Variants in RPA3 observed in about 807,000 individuals in gnomAD.
The protein encoded by RPA3 is replication protein A 14 kDa subunit.
In RPA3, 24 loss-of-function variants were observed where a neutral mutation model predicts 13.7. That is an observed-to-expected ratio of 1.75 (90% CI 1.27 to 2.46). The LOEUF (loss-of-function observed/expected upper bound fraction) is 2.46, where lower values mean the gene tolerates loss of function less well. Ranked by LOEUF, RPA3 falls within the 30% of genes most tolerant of loss-of-function variation. RPA3 has a pLI of 0.00. For synonymous variants in RPA3, 59 were observed against 51.2 expected (o/e 1.15, Z -0.65); for missense variants, 183 against 151.0 (o/e 1.21, Z -1.11).
intron 2 of RPA3, among the ~76,000 whole-genome samples, chr7:7,709,723 A>G (rs1055771670): frequency 1.3e-5 from 2 of 152,226 alleles, no homozygotes; most frequent in African/African-American, 4.8e-5. Flanking sequence ...ACATCTTACC[A>G]GCTATTATTC....
At chr7:7,656,299 C>A (rs1785340487) in intron 4 of RPA3, among the ~76,000 whole-genome samples, 1 of 151,980 alleles carries the variant, frequency 6.6e-6, no homozygotes, top group East Asian at 1.9e-4. Flanking sequence ...AGAACTTGTT[C>A]ATGTATTTAA....
intron 4 of RPA3, among the ~76,000 whole-genome samples, chr7:7,661,068 T>C (rs1038332610): frequency 2.6e-5 from 4 of 152,166 alleles, no homozygotes; most frequent in Non-Finnish European, 5.9e-5. Context: ...TAAGTTGATC[T>C]TTAATCTCTG....
chr7:7,683,208 A>C (rs1384413834), intron 4 of RPA3, among the ~76,000 whole-genome samples: 2 of 152,200 alleles, frequency 1.3e-5, no homozygotes, highest in Non-Finnish European at 2.9e-5. Flanking sequence ...AACGTAAATT[A>C]GGGATCTATC....
At chr7:7,717,875 A>G (rs1039648848) in intron 1 of RPA3, among the ~76,000 whole-genome samples, 1 of 152,218 alleles carries the variant, frequency 6.6e-6, no homozygotes, top group Admixed American at 6.5e-5. Context: ...AAATTGACAC[A>G]TTATGTCATG....
intron 2 of RPA3, 105 bp downstream of exon 2, chr7:7,715,065 TAAAAA>T (rs552433074): frequency 6.6e-6 from 1 of 151,784 alleles, no homozygotes; most frequent in Admixed American, 6.6e-5. Context: ...TCTTAGAACT[TAAAAA>T]AAATACTTTT....
At chr7:7,669,035 A>C (rs1779539107) in intron 4 of RPA3, among the ~76,000 whole-genome samples, 1 of 152,112 alleles carries the variant, frequency 6.6e-6, no homozygotes, top group Non-Finnish European at 1.5e-5. Flanking sequence ...CGTAGGGAGA[A>C]TGGGCCAACT....
chr7:7,672,253 C>T (rs1242176820), intron 4 of RPA3, among the ~76,000 whole-genome samples: 1 of 152,122 alleles, frequency 6.6e-6, no homozygotes, highest in Non-Finnish European at 1.5e-5. Flanking sequence ...CCTATGTGTC[C>T]TTGCAAGTAC....
intron 4 of RPA3, among the ~76,000 whole-genome samples, chr7:7,656,540 C>T (rs1418714194): frequency 6.6e-6 from 1 of 152,126 alleles, no homozygotes; most frequent in South Asian, 2.1e-4. Context: ...TTGCTCAACT[C>T]CCACTTATAA....
intron 4 of RPA3, among the ~76,000 whole-genome samples, chr7:7,662,235 G>T (rs965282560): frequency 6.6e-6 from 1 of 152,176 alleles, no homozygotes; most frequent in Non-Finnish European, 1.5e-5. Flanking sequence ...GTGGATCTTA[G>T]CTTGCTGAGC....
Position 7,713,386 on chromosome 7 carries a change from T to C in RPA3, c.-1028+1789A>G, listed in dbSNP as rs1026100912. 4.6e-5 allele frequency among the ~76,000 whole-genome samples: 7 copies of C among 151,198 alleles called. 1 individual carries two copies. The South Asian group carries it at 1.0e-3, about 23-fold the overall frequency. On this transcript the variant is annotated intron_variant, in intron 2 of 7. Coordinates refer to ENST00000223129, the MANE Select transcript of RPA3 (RefSeq NM_002947.5). ...AAACAAACAAACAAACAAATCTAAG[T>C]TTATAGACAGAGTTTTTTTTTTTTT...
intron 1 of RPA3, among the ~76,000 whole-genome samples, chr7:7,717,473 C>T (rs1780946528): frequency 6.6e-6 from 1 of 152,196 alleles, no homozygotes; most frequent in African/African-American, 2.4e-5. Context: ...GACAACTCTG[C>T]TACTTCAGAA....
intron 4 of RPA3, among the ~76,000 whole-genome samples, chr7:7,642,022 C>T (rs1784985208): frequency 6.6e-6 from 1 of 152,152 alleles, no homozygotes; most frequent in African/African-American, 2.4e-5. Context: ...TGTATTGGTG[C>T]AAGTCAGTAA....
intron 2 of RPA3, among the ~76,000 whole-genome samples, chr7:7,714,313 G>C (rs961264937): frequency 1.3e-5 from 2 of 152,224 alleles, no homozygotes; most frequent in African/African-American, 4.8e-5. Context: ...CTGATGAGCA[G>C]ACTTTCTTTG....
At chr7:7,675,953 AT>A (rs1779728923) in intron 4 of RPA3, 2 of 389,614 alleles carry the variant, frequency 5.1e-6, no homozygotes, top group Non-Finnish European at 4.5e-6. Flanking sequence ...CCCCTTCACC[AT>A]TTTCATAAAA....
At chr7:7,717,060 CTT>C (rs766644906) in intron 1 of RPA3, among the ~76,000 whole-genome samples, 10 of 141,580 alleles carry the variant, frequency 7.1e-5, no homozygotes, top group Admixed American at 7.0e-5. Context: ...TTCTTTTTTT[CTT>C]TTTTTTTTTT....
At chr7:7,661,654 TTGTTGCC>T (rs1785477150) in intron 4 of RPA3, among the ~76,000 whole-genome samples, 1 of 152,166 alleles carries the variant, frequency 6.6e-6, no homozygotes, top group African/African-American at 2.4e-5. Flanking sequence ...ACAGCAAAGA[TTGTTGCC>T]CGTTCCTTCC....
Position 7,653,246 on chromosome 7 carries a change from T to C in RPA3, c.-757-12071A>G, listed in dbSNP as rs565807220. ...TCAAATCAAAATGGTTTGTGGCAGT[T>C]ATGCAGTTATATTTGTAACTTTCCT... On this transcript the variant is annotated intron_variant, in intron 4 of 7. Coordinates refer to ENST00000223129, the MANE Select transcript of RPA3 (RefSeq NM_002947.5). Among the ~76,000 whole-genome samples the C allele has an allele frequency of 5.3e-5, 8 of 152,356 alleles. 1 individual carries two copies. The highest frequency in any genetic ancestry group is 1.9e-4 in the African/African-American group (8 of 41,578).
At chr7:7,691,813 A>G (rs1269083810) in intron 2 of RPA3, among the ~76,000 whole-genome samples, 1 of 152,200 alleles carries the variant, frequency 6.6e-6, no homozygotes, top group Non-Finnish European at 1.5e-5. Flanking sequence ...CTTTCTCAGG[A>G]GGGAAAAAGG....
intron 4 of RPA3, among the ~76,000 whole-genome samples, chr7:7,668,199 CA>C (rs1175693433): frequency 2.0e-5 from 3 of 152,142 alleles, no homozygotes; most frequent in Non-Finnish European, 2.9e-5. Context: ...AGGTGTAAGC[CA>C]CCATGCCTGG....
Sources: allele counts gnomAD v4.1 joint callset (sites outside exome capture counted in the v4.1 genomes callset), GRCh38; gene constraint gnomAD v4.1.1; transcripts MANE v1.5; gene names NCBI Gene and HGNC (gene_info 2026-07-23, HGNC 2026-07-21).